The following GLTP variants were observed in gnomAD, a reference collection of about 807,000 sequenced individuals.
The protein encoded by GLTP is glycolipid transfer protein.
A neutral mutation model predicts 24.0 loss-of-function variants in GLTP; 22 were observed. The ratio of observed to expected loss-of-function variants is 0.92; its 90% CI spans 0.65 to 1.31. GLTP has a LOEUF of 1.31. GLTP is among the 50% of genes most tolerant of loss of function. The probability of loss-of-function intolerance (pLI) is 0.00; values close to 1 mark genes in which losing one functional copy is unlikely to be tolerated. For synonymous variants in GLTP, 92 were observed against 115.9 expected (o/e 0.79, Z 1.33); for missense variants, 224 against 276.6 (o/e 0.81, Z 1.35).
chr12:109,858,017 T>G, intron 2 of GLTP: 1 of 433,104 alleles, frequency 2.3e-6, no homozygotes. Context: ...ACACCAAGTA[T>G]CTGAAGTTTT....
At chr12:109,879,499 G>T (rs780707805) in intron 1 of GLTP, among the ~76,000 whole-genome samples, 12 of 152,148 alleles carry the variant, frequency 7.9e-5, no homozygotes, top group Non-Finnish European at 1.8e-4. Context: ...ACATACAGGG[G>T]AGGGGCTTCC....
intron 1 of GLTP, among the ~76,000 whole-genome samples, chr12:109,862,286 C>T (rs1338280958): frequency 2.0e-5 from 3 of 152,138 alleles, no homozygotes; most frequent in Non-Finnish European, 2.9e-5. Flanking sequence ...CACTGACCTC[C>T]GCTGCGTGTA....
intron 1 of GLTP, among the ~76,000 whole-genome samples, chr12:109,862,943 T>C (rs1012335187): frequency 3.3e-5 from 5 of 151,940 alleles, no homozygotes; most frequent in African/African-American, 1.2e-4. Flanking sequence ...TCCCAGCTAC[T>C]GGGGAGGCTG....
chr12:109,858,825 G>C (rs1055853962), intron 1 of GLTP, 84 bp from the exon 2 acceptor site: 1 of 904,650 alleles, frequency 1.1e-6, no homozygotes, highest in Non-Finnish European at 1.9e-6. Context: ...GACATGGAAG[G>C]GTGGATTACA....
rs139343239 is a variant in GLTP at position 109,859,144 on chromosome 12, T to C, written c.104-403A>G. Among the ~76,000 whole-genome samples the C allele has an allele frequency of 7.0e-3, 1,062 of 152,294 alleles. 20 individuals carry two copies. Among genetic ancestry groups the C allele is most frequent in the African/African-American group, 0.025 (1,024 of 41,556 alleles). On this transcript the variant is annotated intron_variant, in intron 1 of 4. Coordinates refer to ENST00000318348, the MANE Select transcript of GLTP (RefSeq NM_016433.4). The stretch of plus-strand genomic sequence containing the variant: ...ATAATAGCTGACCACAGCCTCGACC[T>C]CCTGGGTTCAAGCCATCCTCCCACC...
intron 1 of GLTP, among the ~76,000 whole-genome samples, chr12:109,874,402 T>G (rs1319569725): frequency 6.6e-6 from 1 of 152,234 alleles, no homozygotes; most frequent in Non-Finnish European, 1.5e-5. Context: ...ACTCTAGGAC[T>G]ATTTAATGCG....
At chr12:109,872,938 G>T (rs948037573) in intron 1 of GLTP, among the ~76,000 whole-genome samples, 1 of 152,182 alleles carries the variant, frequency 6.6e-6, no homozygotes, top group Non-Finnish European at 1.5e-5. Flanking sequence ...CAGACCGCAG[G>T]CTGCATGTGG....
At chr12:109,856,185 G>A (rs1419385784) in intron 3 of GLTP, among the ~76,000 whole-genome samples, 5 of 152,120 alleles carry the variant, frequency 3.3e-5, no homozygotes, top group Admixed American at 6.6e-5. Context: ...GCACACTGGC[G>A]AGACTGGCCC....
chr12:109,865,974 G>A, intron 1 of GLTP, among the ~76,000 whole-genome samples: 1 of 152,154 alleles, frequency 6.6e-6, no homozygotes, highest in East Asian at 1.9e-4. Flanking sequence ...ATATGGGGGA[G>A]ACGAGAAATC....
chr12:109,855,730 G>A lies in GLTP; in HGVS notation c.336C>T (p.Cys112=), dbSNP rs141884459. 19 of 1,608,162 alleles carry A rather than the reference G, an allele frequency of 1.2e-5. No individual in the cohort carries two copies. The highest frequency in any genetic ancestry group is 3.3e-4 in the Middle Eastern group (2 of 6,050). The change falls in exon 4 of 5, where the codon TGC becomes TGT. Residue 112 remains cysteine (C), a synonymous_variant. Coordinates refer to ENST00000318348, the MANE Select transcript of GLTP (RefSeq NM_016433.4). This position sits in a 1 kb window ranked among gnomAD's most constrained non-coding sequence, Gnocchi z 4.1. ...RFIQVFLQSI[C]DGERDENHPN... ...GGTGGTTCTCGTCCCGCTCCCCGTC[G>A]CAGATGCTCTGGAGGAAGACCTGGA... is the stretch of plus-strand genomic sequence containing the variant.
chr12:109,855,836 A>G lies in GLTP; in HGVS notation c.297-67T>C. 1.5e-6 allele frequency: 2 copies of G among 1,357,762 alleles called. No individual in the cohort carries two copies. The highest frequency in any genetic ancestry group is 1.7e-5 in the South Asian group (1 of 59,432). 84.1% of individuals were successfully genotyped at this position (1,357,762 alleles called of 1,614,324 possible). A position where few individuals can be genotyped will look rare whatever the true frequency, so the allele number is the denominator to read the frequency against. On this transcript the variant is annotated intron_variant, in intron 3 of 4. Coordinates refer to ENST00000318348, the MANE Select transcript of GLTP (RefSeq NM_016433.4). The surrounding 1 kb of genome is among the most constrained non-coding windows in gnomAD (Gnocchi z 4.1). ...GCCCTGTCGTGAAAGACCCTGATGG[A>G]CTCTGAATTTGCCACCTACTGTGAG...
chr12:109,857,479 C>T lies in GLTP; in HGVS notation c.296+47G>A. 1 of 1,602,582 alleles carries T rather than the reference C, an allele frequency of 6.2e-7. No homozygotes were observed. The highest frequency in any genetic ancestry group is 8.5e-7 in the Non-Finnish European group (1 of 1,173,452). ...GCGGAACAGTGACAGGTTTGCTTTC[C>T]CTCCTCTGCAGCACAGAGCCCAGGC... On this transcript the variant is annotated intron_variant, in intron 3 of 4. Coordinates refer to ENST00000318348, the MANE Select transcript of GLTP (RefSeq NM_016433.4). The surrounding 1 kb of genome is among the most constrained non-coding windows in gnomAD (Gnocchi z 4.3).
chr12:109,857,136 A>T lies in GLTP; in HGVS notation c.296+390T>A, dbSNP rs1219733706. ...GTACGCGTGACCAGCCCTAAACAGG[A>T]CACCTTTGTGCAGTACGCAACCTGC... On this transcript the variant is annotated intron_variant, in intron 3 of 4. Coordinates refer to ENST00000318348, the MANE Select transcript of GLTP (RefSeq NM_016433.4). This position sits in a 1 kb window ranked among gnomAD's most constrained non-coding sequence, Gnocchi z 4.3. Among the ~76,000 whole-genome samples, 2 of 152,206 alleles carry T rather than the reference A, an allele frequency of 1.3e-5. No homozygotes were observed. The highest frequency in any genetic ancestry group is 2.4e-5 in the African/African-American group (1 of 41,446).
At chr12:109,873,237 A>C (rs533707124) in intron 1 of GLTP, among the ~76,000 whole-genome samples, 8 of 151,962 alleles carry the variant, frequency 5.3e-5, no homozygotes, top group Admixed American at 1.3e-4. Context: ...GGTGGTCCCA[A>C]ATCTCAGAGG....
chr12:109,875,045 G>A (rs1444345647), intron 1 of GLTP, among the ~76,000 whole-genome samples: 8 of 152,146 alleles, frequency 5.3e-5, no homozygotes, highest in Non-Finnish European at 1.0e-4. Context: ...TTACAGGAGT[G>A]AGCCACCATG....
At chr12:109,856,983 G>A (rs968878105) in intron 3 of GLTP, among the ~76,000 whole-genome samples, 3 of 152,060 alleles carry the variant, frequency 2.0e-5, no homozygotes, top group East Asian at 3.9e-4. Context: ...GCAGTGAGCC[G>A]AGATTGTGCC....
At chr12:109,871,508 C>T (rs1868721538) in intron 1 of GLTP, among the ~76,000 whole-genome samples, 1 of 152,192 alleles carries the variant, frequency 6.6e-6, no homozygotes, top group South Asian at 2.1e-4. Flanking sequence ...CTTCCAACGT[C>T]TTCCTGTTTC....
intron 1 of GLTP, among the ~76,000 whole-genome samples, chr12:109,869,253 T>C (rs922329673): frequency 1.5e-4 from 20 of 136,666 alleles, no homozygotes; most frequent in African/African-American, 5.1e-4. Context: ...TGAGCCAAGA[T>C]TGATTGCGCC....
chr12:109,858,758 A>C lies in GLTP; in HGVS notation c.104-17T>G. The C allele has an allele frequency of 6.3e-7, 1 of 1,576,248 alleles. No homozygotes were observed. The highest frequency in any genetic ancestry group is 8.7e-7 in the Non-Finnish European group (1 of 1,145,596). ...CAAGGCAATCTGGGGACAAAATGAG[A>C]AGACAGATTGAGATTCGCAGCAAGA... On this transcript the variant is annotated splice_polypyrimidine_tract_variant and intron_variant, in intron 1 of 4. Transcript: ENST00000318348.
Sources: allele counts gnomAD v4.1 joint callset (sites outside exome capture counted in the v4.1 genomes callset), GRCh38; gene constraint gnomAD v4.1.1; non-coding constraint Gnocchi (gnomAD v3.1); transcripts MANE v1.5; gene names NCBI Gene and HGNC (gene_info 2026-07-23, HGNC 2026-07-21).